PCDH15: variants seen among roughly 807,000 people sequenced by gnomAD.
The protein encoded by PCDH15 is protocadherin-15.
Under a neutral mutation model 178.5 loss-of-function variants are expected in PCDH15, and 129 were observed. The observed-to-expected ratio is 0.72, with a 90% CI of 0.63 to 0.84. The LOEUF (loss-of-function observed/expected upper bound fraction) is 0.84. Among genes scored for constraint, PCDH15 ranks in the 40% least tolerant of loss-of-function variants. The pLI is 0.00. For synonymous variants in PCDH15, 800 were observed against 732.0 expected (o/e 1.09, Z -1.50); for missense variants, 2,230 against 2,099.9 (o/e 1.06, Z -1.21).
chr10:54,558,257 C>T (rs1460558905), intron 2 of PCDH15, among the ~76,000 whole-genome samples: 1 of 151,988 alleles, frequency 6.6e-6, no homozygotes, highest in Admixed American at 6.6e-5. Flanking sequence ...TTGTTTGCTT[C>T]AAAAATATTT....
chr10:53,865,373 G>A (rs538633919), intron 27 of PCDH15, among the ~76,000 whole-genome samples: 16 of 152,076 alleles, frequency 1.1e-4, no homozygotes, highest in Non-Finnish European at 1.9e-4. Flanking sequence ...AAAATTATTC[G>A]GCTAATTGGA....
chr10:55,066,235 T>C (rs1445567057), intron 2 of PCDH15, among the ~76,000 whole-genome samples: 1 of 151,530 alleles, frequency 6.6e-6, no homozygotes, highest in Non-Finnish European at 1.5e-5. Context: ...TAAATGTGTG[T>C]GATTTTATTT....
At chr10:54,804,139 A>C (rs1248836670), upstream of PCDH15, among the ~76,000 whole-genome samples, 1 of 151,848 alleles carries the variant, frequency 6.6e-6, no homozygotes, top group Non-Finnish European at 1.5e-5. Flanking sequence ...TCCTGGGTTC[A>C]CGCCATTCTC....
At chr10:53,901,662 G>T (rs1267460404) in intron 26 of PCDH15, among the ~76,000 whole-genome samples, 1 of 152,056 alleles carries the variant, frequency 6.6e-6, no homozygotes, top group Non-Finnish European at 1.5e-5. Context: ...TCTAGCCCCA[G>T]GTACATTTCT....
chr10:54,370,740 AAAAT>A (rs1205913544), intron 4 of PCDH15, among the ~76,000 whole-genome samples: 1 of 151,958 alleles, frequency 6.6e-6, no homozygotes, highest in African/African-American at 2.4e-5. Context: ...TATTTATTAA[AAAAT>A]AAATATCCAA....
intron 2 of PCDH15, among the ~76,000 whole-genome samples, chr10:55,477,507 G>A (rs1840085785): frequency 6.6e-6 from 1 of 151,912 alleles, no homozygotes; most frequent in Non-Finnish European, 1.5e-5. Context: ...TGGCAAGGAT[G>A]GAAAATGGTC....
intron 2 of PCDH15, among the ~76,000 whole-genome samples, chr10:55,054,483 A>G (rs987489459): frequency 6.6e-6 from 1 of 152,198 alleles, no homozygotes; most frequent in Non-Finnish European, 1.5e-5. Context: ...TGCTGCAATG[A>G]AAATACATTT....
chr10:54,745,580 G>A (rs35079105), intron 1 of PCDH15, among the ~76,000 whole-genome samples: 6 of 152,126 alleles, frequency 3.9e-5, no homozygotes, highest in Non-Finnish European at 5.9e-5. Flanking sequence ...GACTGGTAAG[G>A]GGTTTCTGGC....
intron 1 of PCDH15, among the ~76,000 whole-genome samples, chr10:54,752,394 G>A (rs1207572161): frequency 5.3e-5 from 8 of 150,860 alleles, no homozygotes; most frequent in Non-Finnish European, 1.2e-4. Flanking sequence ...GGAGAATGGC[G>A]TGAACCCGGG....
chr10:55,118,484 A>T (rs1837681790), intron 2 of PCDH15, among the ~76,000 whole-genome samples: 1 of 152,162 alleles, frequency 6.6e-6, no homozygotes, highest in Non-Finnish European at 1.5e-5. Context: ...CTGTATATTA[A>T]AATTTTCTGA....
At chr10:53,958,562 C>T (rs534948054) in intron 23 of PCDH15, among the ~76,000 whole-genome samples, 7 of 152,120 alleles carry the variant, frequency 4.6e-5, no homozygotes, top group Non-Finnish European at 8.8e-5. Flanking sequence ...TTCTCTCTCT[C>T]TCTCCAGATA....
At chr10:55,614,151 CT>C (rs1273759175) in intron 2 of PCDH15, among the ~76,000 whole-genome samples, 1 of 151,698 alleles carries the variant, frequency 6.6e-6, no homozygotes, top group African/African-American at 2.4e-5. Flanking sequence ...CTCTTTTCCT[CT>C]TTTTTTATGA....
At chr10:55,292,555 T>A (rs904381605) in intron 1 of PCDH15, among the ~76,000 whole-genome samples, 4 of 152,022 alleles carry the variant, frequency 2.6e-5, no homozygotes, top group Non-Finnish European at 5.9e-5. Flanking sequence ...CTAATTTTTG[T>A]ATTTTTAGTA....
chr10:54,755,626 A>G (rs1442648491), intron 1 of PCDH15, among the ~76,000 whole-genome samples: 2 of 152,116 alleles, frequency 1.3e-5, no homozygotes, highest in Non-Finnish European at 2.9e-5. Flanking sequence ...GATACTAGAG[A>G]TCTTTATGAC....
chr10:53,928,788 G>A (rs2133957093), intron 25 of PCDH15, among the ~76,000 whole-genome samples: 1 of 151,958 alleles, frequency 6.6e-6, no homozygotes, highest in African/African-American at 2.4e-5. Context: ...GAAAGCATAA[G>A]TTTGCCAAAA....
At chr10:54,033,236 T>C (rs1287759219) in intron 18 of PCDH15, among the ~76,000 whole-genome samples, 2 of 152,004 alleles carry the variant, frequency 1.3e-5, no homozygotes, top group Non-Finnish European at 2.9e-5. Context: ...TATTCTAGCA[T>C]TGCTTAACCT....
intron 2 of PCDH15, among the ~76,000 whole-genome samples, chr10:55,341,521 C>T (rs374960256): frequency 2.7e-5 from 4 of 150,538 alleles, no homozygotes; most frequent in South Asian, 4.2e-4. Flanking sequence ...AATTTCCAAA[C>T]CCATCTTATG....
intron 2 of PCDH15, among the ~76,000 whole-genome samples, chr10:54,932,438 G>C (rs1404249935): frequency 2.0e-5 from 3 of 152,120 alleles, no homozygotes; most frequent in African/African-American, 7.2e-5. Flanking sequence ...TCATTGCAAA[G>C]ATTAAAAAAT....
At chr10:54,368,559 A>C (rs1589068480) in intron 5 of PCDH15, among the ~76,000 whole-genome samples, 2 of 152,182 alleles carry the variant, frequency 1.3e-5, no homozygotes, top group African/African-American at 2.4e-5. Context: ...ACAAAGCAAA[A>C]CAACAAACAA....
Sources: gnomAD v4.1 joint callset for allele counts (sites outside exome capture counted in the v4.1 genomes callset) on GRCh38, gnomAD v4.1.1 for gene constraint, MANE v1.5 for transcripts, NCBI Gene and HGNC (gene_info 2026-07-23, HGNC 2026-07-21) for gene names.